The following AGPAT4 variants were observed in gnomAD, a reference collection of about 807,000 sequenced individuals.
AGPAT4 encodes 1-acyl-sn-glycerol-3-phosphate acyltransferase delta.
A neutral mutation model predicts 48.0 loss-of-function variants in AGPAT4; 15 were observed. The ratio of observed to expected loss-of-function variants is 0.31; its 90% CI spans 0.21 to 0.48. AGPAT4 has a LOEUF of 0.48. Ranked by LOEUF, AGPAT4 falls within the 20% of genes least tolerant of loss-of-function variation. The pLI is 0.99. For missense variants in AGPAT4, 314 were observed against 482.5 expected (o/e 0.65, Z 3.27); for synonymous variants, 178 against 198.7 (o/e 0.90, Z 0.88).
At position 161,217,857 on chromosome 6, in the gene AGPAT4, C is replaced by T. The variant is rs1188884760; in HGVS notation, c.178+14179G>A. On this transcript the variant is annotated intron_variant, in intron 2 of 8. Transcript: ENST00000320285. The surrounding 1 kb of genome is among the most constrained non-coding windows in gnomAD (Gnocchi z 4.9). ...AGCACAGCTGGTGCCTCTGCTCCCG[C>T]GGGGCCCTGCACACACCAGCTCTGG... Among the ~76,000 whole-genome samples, 2 of 146,928 alleles carry T rather than the reference C, an allele frequency of 1.4e-5. No individual in the cohort carries two copies. Among genetic ancestry groups the T allele is most frequent in the Non-Finnish European group, 3.0e-5 (2 of 67,208 alleles).
Position 161,139,280 on chromosome 6 carries a change from A to C in AGPAT4, c.1042+142T>G. On this transcript the variant is annotated intron_variant, in intron 8 of 8. Coordinates refer to ENST00000320285, the MANE Select transcript of AGPAT4 (RefSeq NM_020133.3). The surrounding 1 kb of genome is among the most constrained non-coding windows in gnomAD (Gnocchi z 9.1). Reference sequence around the variant, plus strand: ...GGGCCTCGCACTCATCCTGAAGTCTAATCTTTCCCTGTGATTGCAAGCTGA... The same window carrying C: ...GGGCCTCGCACTCATCCTGAAGTCTCATCTTTCCCTGTGATTGCAAGCTGA... The C allele has an allele frequency of 1.0e-6, 1 of 983,636 alleles. No individual in the cohort carries two copies. Among genetic ancestry groups the C allele is most frequent in the Non-Finnish European group, 1.5e-6 (1 of 659,494 alleles). The allele number at this position is 983,636 out of a possible 1,614,324, so 60.9% of individuals were successfully genotyped here.
rs1783087744 is a variant in AGPAT4 at position 161,261,077 on chromosome 6, C to T, written c.-90+12861G>A. Among the ~76,000 whole-genome samples the T allele has an allele frequency of 6.6e-6, 1 of 152,070 alleles. No individual in the cohort carries two copies. Among genetic ancestry groups the T allele is most frequent in the African/African-American group, 2.4e-5 (1 of 41,408 alleles). On this transcript the variant is annotated intron_variant, in intron 1 of 8. Transcript: ENST00000320285. The surrounding 1 kb of genome is among the most constrained non-coding windows in gnomAD (Gnocchi z 5.3). Reference sequence around the variant, plus strand: ...TATTCCGTTCCACCTGCCTGATGCCCTTCCCTCCCCCTTTTCTCCCACTGT... The same window carrying T: ...TATTCCGTTCCACCTGCCTGATGCCTTTCCCTCCCCCTTTTCTCCCACTGT...
intron 2 of AGPAT4, among the ~76,000 whole-genome samples, chr6:161,174,214 T>G (rs1780362120): frequency 6.6e-6 from 1 of 152,222 alleles, no homozygotes; most frequent in Non-Finnish European, 1.5e-5. Flanking sequence ...GGGATGGCAT[T>G]GAATCTATAA....
intron 1 of AGPAT4, among the ~76,000 whole-genome samples, chr6:161,265,105 G>A (rs538306191): frequency 2.7e-5 from 4 of 148,332 alleles, no homozygotes; most frequent in African/African-American, 7.4e-5. Context: ...GGACTGGGTG[G>A]TGGATTAGTA....
rs1783256922 is a variant in AGPAT4 at position 161,266,107 on chromosome 6, A to T, written c.-90+7831T>A. Among the ~76,000 whole-genome samples, 1 of 152,116 alleles carries T rather than the reference A, an allele frequency of 6.6e-6. No individual in the cohort carries two copies. Among genetic ancestry groups the T allele is most frequent in the Admixed American group, 6.5e-5 (1 of 15,276 alleles). On this transcript the variant is annotated intron_variant, in intron 1 of 8. Transcript: ENST00000320285. The surrounding 1 kb of genome is among the most constrained non-coding windows in gnomAD (Gnocchi z 6.2). The stretch of plus-strand genomic sequence containing the variant: ...TCCCTCTAGGGGATTTTTGGCTGTC[A>T]CAAGTAGGAGTGGGGTGACTACTCC...
At chr6:161,250,602 G>C (rs1420991671) in intron 1 of AGPAT4, among the ~76,000 whole-genome samples, 1 of 151,446 alleles carries the variant, frequency 6.6e-6, no homozygotes, top group Non-Finnish European at 1.5e-5. Flanking sequence ...TGAATTTTGG[G>C]TTATTTCTTT....
In AGPAT4 at chr6:161,244,411, G is replaced by A. The variant is rs956415749; in HGVS notation, c.-89-12109C>T. Among the ~76,000 whole-genome samples the A allele has an allele frequency of 8.5e-5, 13 of 152,084 alleles. No individual in the cohort carries two copies. Among genetic ancestry groups the A allele is most frequent in the African/African-American group, 3.1e-4 (13 of 41,420 alleles). ...ATACGACAAAAACAAATAATAAAAA[G>A]CCTTTAAAGTTAAGGTTTATGGCGA... is the stretch of plus-strand genomic sequence containing the variant. On this transcript the variant is annotated intron_variant, in intron 1 of 8. Transcript: ENST00000320285. The surrounding 1 kb of genome is among the most constrained non-coding windows in gnomAD (Gnocchi z 4.7).
chr6:161,224,461 T>G (rs780358721), intron 2 of AGPAT4, among the ~76,000 whole-genome samples: 5 of 151,822 alleles, frequency 3.3e-5, no homozygotes, highest in Admixed American at 6.6e-5. Flanking sequence ...CTGGGCAACA[T>G]GGTGAAACCC....
intron 2 of AGPAT4, among the ~76,000 whole-genome samples, chr6:161,181,724 T>A (rs1367524788): frequency 1.3e-5 from 2 of 152,104 alleles, no homozygotes; most frequent in Admixed American, 1.3e-4. Flanking sequence ...GCCTGCCCCA[T>A]CCCAGAATCT....
intron 2 of AGPAT4, among the ~76,000 whole-genome samples, chr6:161,194,313 T>G (rs1001124997): frequency 6.6e-6 from 1 of 152,212 alleles, no homozygotes; most frequent in Non-Finnish European, 1.5e-5. Flanking sequence ...CATTGTAATT[T>G]GGACGCACGA....
chr6:161,152,640 G>A (rs777509526), intron 5 of AGPAT4, among the ~76,000 whole-genome samples: 8 of 152,294 alleles, frequency 5.3e-5, no homozygotes, highest in South Asian at 2.1e-4. Flanking sequence ...CGAGGAAGGC[G>A]GCAGCATGGG....
intron 1 of AGPAT4, among the ~76,000 whole-genome samples, chr6:161,260,778 T>C (rs930684309): frequency 6.6e-6 from 1 of 150,404 alleles, no homozygotes; most frequent in South Asian, 2.1e-4. Context: ...TCCCAGCTAC[T>C]TGGGGAGGGC....
At chr6:161,224,268 T>C (rs551242464) in intron 2 of AGPAT4, among the ~76,000 whole-genome samples, 1 of 152,348 alleles carries the variant, frequency 6.6e-6, no homozygotes, top group African/African-American at 2.4e-5. Context: ...GATGGATGGA[T>C]GGTTCTGTCC....
In AGPAT4 at chr6:161,267,598, T is replaced by C. The variant is rs1783302735; in HGVS notation, c.-90+6340A>G. ...TTAGCCAGGTGTGGTGGCGCACCCC[T>C]ATAGTCCCAGCTACTCAGGAGGCTG... On this transcript the variant is annotated intron_variant, in intron 1 of 8. Transcript: ENST00000320285. This position sits in a 1 kb window ranked among gnomAD's most constrained non-coding sequence, Gnocchi z 5.2. Among the ~76,000 whole-genome samples the C allele has an allele frequency of 6.6e-6, 1 of 151,900 alleles. No homozygotes were observed. Among genetic ancestry groups the C allele is most frequent in the Non-Finnish European group, 1.5e-5 (1 of 67,980 alleles).
Position 161,158,120 on chromosome 6 carries a change from A to G in AGPAT4, c.349-3810T>C, listed in dbSNP as rs1012078888. Among the ~76,000 whole-genome samples, 1 of 152,232 alleles carries G rather than the reference A, an allele frequency of 6.6e-6. No individual in the cohort carries two copies. The highest frequency in any genetic ancestry group is 6.5e-5 in the Admixed American group (1 of 15,290). Reference sequence around the variant, plus strand: ...GCCATGCTTTAGCGTAATAGTAACAACAATAGATTACATTTATTTAAGCAC... The same window carrying G: ...GCCATGCTTTAGCGTAATAGTAACAGCAATAGATTACATTTATTTAAGCAC... On this transcript the variant is annotated intron_variant, in intron 3 of 8. Transcript: ENST00000320285. This position sits in a 1 kb window ranked among gnomAD's most constrained non-coding sequence, Gnocchi z 5.3.
chr6:161,238,869 AG>A lies in AGPAT4; in HGVS notation c.-89-6568del, dbSNP rs1260762114. Among the ~76,000 whole-genome samples the A allele has an allele frequency of 6.6e-6, 1 of 152,180 alleles. No individual in the cohort carries two copies. Among genetic ancestry groups the A allele is most frequent in the African/African-American group, 2.4e-5 (1 of 41,430 alleles). On this transcript the variant is annotated intron_variant, in intron 1 of 8. Transcript: ENST00000320285. This position sits in a 1 kb window ranked among gnomAD's most constrained non-coding sequence, Gnocchi z 5.2. ...GCTTCTCCTTCCTGTCAGCATGTGA[AG>A]AAGGTTGCGTTTGCTTCCCCTTCTG... is the stretch of plus-strand genomic sequence containing the variant.
chr6:161,140,151 G>A lies in AGPAT4; in HGVS notation c.844-531C>T, dbSNP rs900888515. On this transcript the variant is annotated intron_variant, in intron 7 of 8. Transcript: ENST00000320285. This position sits in a 1 kb window ranked among gnomAD's most constrained non-coding sequence, Gnocchi z 6.5. ...CCAGTTCACCTCGGGCAGCCCACCC[G>A]CACCTACCACCCTGTTTGCCACTGG... 2.0e-5 allele frequency among the ~76,000 whole-genome samples: 3 copies of A among 152,058 alleles called. No homozygotes were observed. Among genetic ancestry groups the A allele is most frequent in the East Asian group, 1.9e-4 (1 of 5,192 alleles).
At chr6:161,253,121 G>A (rs1782848220) in intron 1 of AGPAT4, among the ~76,000 whole-genome samples, 1 of 150,498 alleles carries the variant, frequency 6.6e-6, no homozygotes, top group African/African-American at 2.4e-5. Context: ...GCTGAGGCAG[G>A]AGAATCTCTT....
chr6:161,236,488 G>C lies in AGPAT4; in HGVS notation c.-89-4186C>G, dbSNP rs1444229671. Among the ~76,000 whole-genome samples, 2 of 152,144 alleles carry C rather than the reference G, an allele frequency of 1.3e-5. No homozygotes were observed. Among genetic ancestry groups the C allele is most frequent in the African/African-American group, 4.8e-5 (2 of 41,430 alleles). On this transcript the variant is annotated intron_variant, in intron 1 of 8. Coordinates refer to ENST00000320285, the MANE Select transcript of AGPAT4 (RefSeq NM_020133.3). This position sits in a 1 kb window ranked among gnomAD's most constrained non-coding sequence, Gnocchi z 5.0. ...GAGACACCCTAGGGATGGGAGTGCA[G>C]GAGGCCAAATTCTACTGGGAATTCT... is the stretch of plus-strand genomic sequence containing the variant.
Sources: gnomAD v4.1 joint callset for allele counts (sites outside exome capture counted in the v4.1 genomes callset) on GRCh38, gnomAD v4.1.1 for gene constraint, Gnocchi (gnomAD v3.1) non-coding constraint, MANE v1.5 for transcripts, NCBI Gene and HGNC (gene_info 2026-07-23, HGNC 2026-07-21) for gene names.